Variants in NAPB observed in about 807,000 individuals in gnomAD.
NAPB encodes NSF attachment protein beta, also known as beta-soluble NSF attachment protein.
Under a neutral mutation model 44.7 loss-of-function variants are expected in NAPB, and 26 were observed. The observed-to-expected ratio is 0.58, with a 90% CI of 0.43 to 0.81. NAPB has a LOEUF of 0.81. Ranked by LOEUF, NAPB falls within the 30% of genes least tolerant of loss-of-function variation. NAPB has a pLI of 0.00. For synonymous variants in NAPB, 120 were observed against 116.8 expected (o/e 1.03, Z -0.18); for missense variants, 315 against 356.4 (o/e 0.88, Z 0.94).
At chr20:23,391,080 C>T (rs116347328) in intron 5 of NAPB, among the ~76,000 whole-genome samples, 13 of 152,106 alleles carry the variant, frequency 8.5e-5, no homozygotes, top group African/African-American at 2.9e-4. Flanking sequence ...TTTTGGAGGC[C>T]GAGGAGGGTG....
chr20:23,408,601 T>C (rs559074756), intron 1 of NAPB, among the ~76,000 whole-genome samples: 37 of 152,362 alleles, frequency 2.4e-4, no homozygotes, highest in Non-Finnish European at 4.6e-4. Context: ...ACTTGGGGCT[T>C]TCCTAGGTAA....
rs1600551060 is a variant in NAPB, at chr20:23,375,700, CAG to C, written c.*1674_*1675del. On this transcript the variant is annotated 3_prime_UTR_variant, in exon 11 of 11. Coordinates refer to ENST00000377026, the MANE Select transcript of NAPB (RefSeq NM_022080.3). ...ACATTAAATTCTAGGGCCCAACAGA[CAG>C]AGTGTCTTCATTGCCACCCCCAGTA... The C allele has an allele frequency of 6.6e-6, 1 of 152,298 alleles. No individual in the cohort carries two copies. Among genetic ancestry groups the C allele is most frequent in the African/African-American group, 2.4e-5 (1 of 41,556 alleles). 9.4% of individuals were successfully genotyped at this position (152,298 alleles called of 1,614,324 possible).
In NAPB at chr20:23,417,324, T is replaced by C. The variant is rs1257672657; in HGVS notation, c.98+3981A>G. ...GTCTCAAACTCCTGACCTCAAGTGA[T>C]CCACCCGCCTCGGCCTCCCAGAGTG... On this transcript the variant is annotated intron_variant, in intron 1 of 10. Transcript: ENST00000377026. Among the ~76,000 whole-genome samples, 3 of 152,154 alleles carry C rather than the reference T, an allele frequency of 2.0e-5. No homozygotes were observed. The East Asian group carries it at 5.8e-4, about 29-fold the overall frequency.
Position 23,379,356 on chromosome 20 carries a change from A to G in NAPB, c.786+89T>C, listed in dbSNP as rs1023941860. On this transcript the variant is annotated intron_variant, in intron 10 of 10. Transcript: ENST00000377026. ...GTATGCTGGAGTCATGTTCAAATAA[A>G]TGTTTAGAATTCACATAATGAAAAG... 7 of 1,007,796 alleles carry G rather than the reference A, an allele frequency of 6.9e-6. No individual in the cohort carries two copies. The African/African-American group carries it at 1.1e-4, about 16-fold the overall frequency. The allele number at this position is 1,007,796 out of a possible 1,614,324, so 62.4% of individuals were successfully genotyped here.
intron 2 of NAPB, among the ~76,000 whole-genome samples, chr20:23,401,652 G>A (rs1984858460): frequency 6.6e-6 from 1 of 152,158 alleles, no homozygotes; most frequent in Non-Finnish European, 1.5e-5. Context: ...AGGCCGAGGT[G>A]GGTGGATCGC....
intron 1 of NAPB, among the ~76,000 whole-genome samples, chr20:23,413,708 T>A (rs1416681312): frequency 6.6e-6 from 1 of 152,124 alleles, no homozygotes. Context: ...TGCAAATACA[T>A]TTTTTAAAAC....
intron 1 of NAPB, among the ~76,000 whole-genome samples, chr20:23,406,104 C>A (rs1024854410): frequency 6.6e-6 from 1 of 152,148 alleles, no homozygotes; most frequent in African/African-American, 2.4e-5. Context: ...TTCTCTTCTA[C>A]CATGTGAAGA....
At chr20:23,397,040 G>C (rs745550256) in intron 3 of NAPB, 32 bp downstream of exon 3, 1 of 1,602,852 alleles carries the variant, frequency 6.2e-7, no homozygotes, top group Non-Finnish European at 8.5e-7. Flanking sequence ...GTTACACACA[G>C]AGATAGCATG....
chr20:23,395,457 C>T (rs1471487582), intron 3 of NAPB, among the ~76,000 whole-genome samples: 1 of 152,164 alleles, frequency 6.6e-6, no homozygotes, highest in African/African-American at 2.4e-5. Flanking sequence ...GGACTCCATC[C>T]AGGCAAAAGA....
At chr20:23,420,841 G>A (rs1986361626) in intron 1 of NAPB, among the ~76,000 whole-genome samples, 1 of 151,500 alleles carries the variant, frequency 6.6e-6, no homozygotes, top group Non-Finnish European at 1.5e-5. Flanking sequence ...GGGGCTTCGT[G>A]GGGCGCTTGG....
rs952670512 is a variant in NAPB, at chr20:23,376,107, C to T, written c.*1269G>A. The T allele has an allele frequency of 6.6e-6, 1 of 152,006 alleles. No individual in the cohort carries two copies. The highest frequency in any genetic ancestry group is 1.5e-5 in the Non-Finnish European group (1 of 68,040). The allele number at this position is 152,006 out of a possible 1,614,324, so 9.4% of individuals were successfully genotyped here. Reference sequence around the variant, plus strand: ...GTGAAGCTCCGTGATGTCAGAGTGTCTGCTGGGTTAAGTCTGGCAACACAT... The same window carrying T: ...GTGAAGCTCCGTGATGTCAGAGTGTTTGCTGGGTTAAGTCTGGCAACACAT... On this transcript the variant is annotated 3_prime_UTR_variant, in exon 11 of 11. Coordinates refer to ENST00000377026, the MANE Select transcript of NAPB (RefSeq NM_022080.3).
At chr20:23,384,993 C>G (rs1184227756) in intron 7 of NAPB, among the ~76,000 whole-genome samples, 1 of 152,090 alleles carries the variant, frequency 6.6e-6, no homozygotes, top group Admixed American at 6.6e-5. Context: ...CTGGCACGCA[C>G]CTGTAATCTC....
chr20:23,396,346 C>G (rs930723371), intron 3 of NAPB, among the ~76,000 whole-genome samples: 7 of 152,158 alleles, frequency 4.6e-5, no homozygotes, highest in African/African-American at 1.7e-4. Flanking sequence ...AACCCTTATA[C>G]CAAAGGTATT....
Position 23,390,272 on chromosome 20 carries a change from C to T in NAPB, c.421-8G>A. On this transcript the variant is annotated splice_polypyrimidine_tract_variant and splice_region_variant and intron_variant, in intron 5 of 10. Coordinates refer to ENST00000377026, the MANE Select transcript of NAPB (RefSeq NM_022080.3). ...TTCATAATGTGCAATAGCCTGAAAACATACATATTTTATTCACACACAATT... is the reference window on the plus strand; with the variant it reads ...TTCATAATGTGCAATAGCCTGAAAATATACATATTTTATTCACACACAATT... The T allele has an allele frequency of 6.2e-7, 1 of 1,604,768 alleles. No individual in the cohort carries two copies. The highest frequency in any genetic ancestry group is 8.5e-7 in the Non-Finnish European group (1 of 1,171,924).
chr20:23,416,001 G>A (rs75177437), intron 1 of NAPB, among the ~76,000 whole-genome samples: 2,280 of 152,162 alleles, frequency 0.015, 60 homozygotes, highest in African/African-American at 0.052. Flanking sequence ...GGAAGAAAGC[G>A]ACTTAAACTC....
intron 7 of NAPB, among the ~76,000 whole-genome samples, chr20:23,387,708 A>C (rs1983630122): frequency 6.6e-6 from 1 of 152,228 alleles, no homozygotes; most frequent in Non-Finnish European, 1.5e-5. Flanking sequence ...CACACCAAAA[A>C]CTACAAAACA....
intron 1 of NAPB, among the ~76,000 whole-genome samples, chr20:23,418,161 G>A (rs1986135242): frequency 6.6e-6 from 1 of 152,208 alleles, no homozygotes; most frequent in Admixed American, 6.5e-5. Flanking sequence ...GCACCAGCTA[G>A]TCAGCTCTTA....
At chr20:23,418,154 C>G (rs567363671) in intron 1 of NAPB, among the ~76,000 whole-genome samples, 37 of 152,292 alleles carry the variant, frequency 2.4e-4, no homozygotes, top group Non-Finnish European at 3.5e-4. Context: ...CTTTAAAGCA[C>G]CAGCTAGTCA....
rs1240455797 is a variant in NAPB at position 23,414,192 on chromosome 20, T to C, written c.98+7113A>G. Among the ~76,000 whole-genome samples the C allele has an allele frequency of 2.0e-5, 3 of 152,098 alleles. No individual in the cohort carries two copies. In the South Asian group the frequency reaches 6.2e-4, roughly 31 times the overall value. ...CAAAAATTAGCTGGGCATGGTGGCC[T>C]GTGCCTGTAATCCCAGCTGCTGAGG... On this transcript the variant is annotated intron_variant, in intron 1 of 10. Transcript: ENST00000377026.
Sources: gnomAD v4.1 joint callset for allele counts (sites outside exome capture counted in the v4.1 genomes callset) on GRCh38, gnomAD v4.1.1 for gene constraint, MANE v1.5 for transcripts, NCBI Gene and HGNC (gene_info 2026-07-23, HGNC 2026-07-21) for gene names.